The following GDAP1 variants were observed in gnomAD, a reference collection of about 807,000 sequenced individuals.
GDAP1 encodes ganglioside induced differentiation associated protein 1, also known as ganglioside-induced differentiation-associated protein 1.
A neutral mutation model predicts 40.1 loss-of-function variants in GDAP1; 34 were observed. The observed-to-expected ratio is 0.85, with a 90% CI of 0.64 to 1.13. The LOEUF (loss-of-function observed/expected upper bound fraction) is 1.13, where lower values mean the gene tolerates loss of function less well. GDAP1 is among the 50% of genes most tolerant of loss of function. The probability of loss-of-function intolerance (pLI) is 0.00; values close to 1 mark genes in which losing one functional copy is unlikely to be tolerated. For missense variants in GDAP1, 374 were observed against 433.7 expected, an observed-to-expected ratio of 0.86 and a Z score of 1.22; for synonymous variants, 170 against 157.4, an observed-to-expected ratio of 1.08 and a Z score of -0.60.
intron 2 of GDAP1, among the ~76,000 whole-genome samples, chr8:74,422,107 A>G (rs755004334): frequency 3.6e-4 from 54 of 151,926 alleles, no homozygotes; most frequent in Non-Finnish European, 5.3e-4. Flanking sequence ...CCAAAACATA[A>G]TTAGCCTTTT....
At chr8:74,465,391 G>A (rs1458850340) in intron 2 of GDAP1, among the ~76,000 whole-genome samples, 5 of 151,692 alleles carry the variant, frequency 3.3e-5, no homozygotes, top group Non-Finnish European at 4.4e-5. Flanking sequence ...GCAATCTCTC[G>A]CCAAGCCTTA....
chr8:74,468,550 CAT>C (rs1473795597), intron 2 of GDAP1, among the ~76,000 whole-genome samples: 3 of 151,386 alleles, frequency 2.0e-5, no homozygotes, highest in Non-Finnish European at 2.9e-5. Flanking sequence ...TACACACACA[CAT>C]ATATAGGTTG....
intron 5 of GDAP1, 98 bp from the exon 6 acceptor site, chr8:74,363,887 T>C: frequency 2.2e-6 from 2 of 930,070 alleles, no homozygotes; most frequent in South Asian, 1.3e-5. Context: ...TCTTTTGCTA[T>C]ACTCACACTC....
rs141695133 is a variant in GDAP1, at chr8:74,395,607, G to C, written c.165+44286G>C. 2.3e-3 allele frequency among the ~76,000 whole-genome samples: 352 copies of C among 152,274 alleles called. 2 individuals carry two copies. Among genetic ancestry groups the C allele is most frequent in the African/African-American group, 8.2e-3 (339 of 41,546 alleles). ...CTGCTTTCATATGAGTGACACTAGC[G>C]CATTGCCATTTAGTAATTTCCTGTT... On this transcript the variant is annotated intron_variant, in intron 2 of 2. Transcript: ENST00000523640.
intron 2 of GDAP1, among the ~76,000 whole-genome samples, chr8:74,393,401 T>C (rs771602324): frequency 2.0e-5 from 3 of 152,216 alleles, no homozygotes; most frequent in Non-Finnish European, 4.4e-5. Context: ...GGAATGATGG[T>C]ATAAGATATG....
intron 2 of GDAP1, among the ~76,000 whole-genome samples, chr8:74,474,081 C>T (rs1806595592): frequency 6.6e-6 from 1 of 152,114 alleles, no homozygotes; most frequent in African/African-American, 2.4e-5. Flanking sequence ...AGATTGCATT[C>T]CCGATTTGGC....
At chr8:74,480,259 T>C (rs1806694219) in intron 2 of GDAP1, among the ~76,000 whole-genome samples, 1 of 152,098 alleles carries the variant, frequency 6.6e-6, no homozygotes, top group Non-Finnish European at 1.5e-5. Flanking sequence ...AGTGCTGAGA[T>C]TACAAGTGTG....
chr8:74,448,843 T>C (rs890130311), intron 2 of GDAP1, among the ~76,000 whole-genome samples: 1 of 152,100 alleles, frequency 6.6e-6, no homozygotes, highest in African/African-American at 2.4e-5. Context: ...TCTCTCAATG[T>C]GTGGGGCTTT....
intron 2 of GDAP1, among the ~76,000 whole-genome samples, chr8:74,463,055 T>C (rs985022931): frequency 4.5e-5 from 5 of 111,976 alleles, no homozygotes; most frequent in Non-Finnish European, 9.3e-5. Flanking sequence ...AAGTGATATG[T>C]AATTAAGGCA....
rs531450774 is a variant in GDAP1, at chr8:74,413,754, AT to A, written c.165+62436del. Among the ~76,000 whole-genome samples the A allele has an allele frequency of 6.4e-3, 889 of 138,012 alleles. 14 individuals are homozygous for A. The highest frequency in any genetic ancestry group is 0.026 in the South Asian group (115 of 4,426). 90.5% of individuals were successfully genotyped at this position (138,012 alleles called of 152,430 possible). Reference sequence around the variant, plus strand: ...TTTTTCCTCATTGTGTCCTCTCACCATTTGGCCCCAAAGTGGTTGCAACCAT... The same window carrying A: ...TTTTTCCTCATTGTGTCCTCTCACCATTGGCCCCAAAGTGGTTGCAACCAT... On this transcript the variant is annotated intron_variant, in intron 2 of 2. Transcript: ENST00000523640.
Position 74,475,999 on chromosome 8 carries a change from G to T in GDAP1, c.166-12679G>T, listed in dbSNP as rs184480292. 4.7e-3 allele frequency among the ~76,000 whole-genome samples: 713 copies of T among 152,172 alleles called. 2 individuals carry two copies. The highest frequency in any genetic ancestry group is 0.02 in the Middle Eastern group (6 of 294). On this transcript the variant is annotated intron_variant, in intron 2 of 2. Transcript: ENST00000523640. ...GTGCATATATATTTAAGATGGTTAG[G>T]TCTTCTTGCTGAATTGAACCCTTCA... is the stretch of plus-strand genomic sequence containing the variant.
chr8:74,478,766 G>A (rs912716376), intron 2 of GDAP1, among the ~76,000 whole-genome samples: 3 of 152,188 alleles, frequency 2.0e-5, no homozygotes, highest in Non-Finnish European at 4.4e-5. Flanking sequence ...ACTTGTCTAA[G>A]CAGTTCTCCC....
chr8:74,421,291 C>A (rs1805854695), intron 2 of GDAP1, among the ~76,000 whole-genome samples: 1 of 152,052 alleles, frequency 6.6e-6, no homozygotes, highest in Non-Finnish European at 1.5e-5. Context: ...TGTCAACACT[C>A]AAAGTAACAA....
intron 3 of GDAP1, among the ~76,000 whole-genome samples, chr8:74,361,405 CTT>C (rs1343526609): frequency 2.1e-5 from 3 of 145,386 alleles, no homozygotes; most frequent in Admixed American, 6.9e-5. Context: ...TTTTTCTTTT[CTT>C]TTTTTTTTTG....
chr8:74,371,367 A>G (rs1243322114), downstream of GDAP1, among the ~76,000 whole-genome samples: 1 of 152,232 alleles, frequency 6.6e-6, no homozygotes, highest in East Asian at 1.9e-4. Flanking sequence ...TCATAAGGGA[A>G]TAAGAAAATA....
intron 2 of GDAP1, among the ~76,000 whole-genome samples, chr8:74,457,353 A>G (rs1806348813): frequency 6.6e-6 from 1 of 152,048 alleles, no homozygotes; most frequent in African/African-American, 2.4e-5. Flanking sequence ...AATTGCTTGG[A>G]ATATTGCTAC....
chr8:74,381,980 T>G (rs1809961129), intron 2 of GDAP1, among the ~76,000 whole-genome samples: 1 of 152,046 alleles, frequency 6.6e-6, no homozygotes, highest in Non-Finnish European at 1.5e-5. Context: ...TTGGCCACTA[T>G]GCTGGGGTAC....
At chr8:74,411,889 AAAT>A (rs1563461897) in intron 2 of GDAP1, among the ~76,000 whole-genome samples, 2 of 149,764 alleles carry the variant, frequency 1.3e-5, no homozygotes, top group East Asian at 1.9e-4. Flanking sequence ...CTCAAAAAAA[AAAT>A]AATAATAACT....
chr8:74,398,765 T>C (rs1315513140), intron 2 of GDAP1, among the ~76,000 whole-genome samples: 1 of 152,070 alleles, frequency 6.6e-6, no homozygotes, highest in African/African-American at 2.4e-5. Context: ...TGAAGAGTTG[T>C]TGAATTTTGT....
Sources: gnomAD v4.1 joint callset for allele counts (sites outside exome capture counted in the v4.1 genomes callset) on GRCh38, gnomAD v4.1.1 for gene constraint, MANE v1.5 for transcripts, NCBI Gene and HGNC (gene_info 2026-07-23, HGNC 2026-07-21) for gene names.